Variants in KCNH5 observed in about 807,000 individuals in gnomAD.
The protein encoded by KCNH5 is potassium voltage-gated channel subfamily H member 5.
KCNH5 carries 46 observed loss-of-function variants against 96.1 expected under a neutral mutation model. The observed-to-expected ratio is 0.48, with a 90% CI of 0.38 to 0.61. The LOEUF (loss-of-function observed/expected upper bound fraction) is 0.61. Among genes scored for constraint, KCNH5 ranks in the 20% least tolerant of loss-of-function variants. KCNH5 has a pLI of 0.00. For synonymous variants in KCNH5, 439 were observed against 449.8 expected (o/e 0.98, Z 0.30); for missense variants, 907 against 1,225.8 (o/e 0.74, Z 3.88).
intron 7 of KCNH5, among the ~76,000 whole-genome samples, chr14:62,853,708 T>C (rs1015516684): frequency 1.3e-5 from 2 of 151,650 alleles, no homozygotes; most frequent in African/African-American, 4.8e-5. Context: ...TTCAGGTCTC[T>C]GCTCAAAACC....
At chr14:62,936,863 C>T (rs1199805343) in intron 7 of KCNH5, among the ~76,000 whole-genome samples, 1 of 151,630 alleles carries the variant, frequency 6.6e-6, no homozygotes, top group Non-Finnish European at 1.5e-5. Flanking sequence ...TGCCTGTAAT[C>T]CCAGCTACTC....
intron 7 of KCNH5, among the ~76,000 whole-genome samples, chr14:62,902,146 C>A (rs993327459): frequency 1.3e-5 from 2 of 151,938 alleles, no homozygotes; most frequent in Non-Finnish European, 2.9e-5. Flanking sequence ...CAAATATTTT[C>A]TCCCATTATG....
At chr14:62,955,654 C>T (rs1268436260) in intron 6 of KCNH5, among the ~76,000 whole-genome samples, 1 of 152,126 alleles carries the variant, frequency 6.6e-6, no homozygotes, top group Non-Finnish European at 1.5e-5. Context: ...GCAATATTGG[C>T]TTAAACATGA....
intron 8 of KCNH5, among the ~76,000 whole-genome samples, chr14:62,819,011 G>T (rs1308931563): frequency 6.6e-6 from 1 of 152,136 alleles, no homozygotes; most frequent in African/African-American, 2.4e-5. Flanking sequence ...CTGTCACCCA[G>T]GCTGGAGTGC....
chr14:62,941,760 A>T lies in KCNH5; in HGVS notation c.1369+8373T>A, dbSNP rs143761029. On this transcript the variant is annotated intron_variant, in intron 7 of 10. Coordinates refer to ENST00000322893, the MANE Select transcript of KCNH5 (RefSeq NM_139318.5). ...ACATGTAACTTAATATTATACCTGA[A>T]ATACCTGAAGTCGCATATTAAGATT... Among the ~76,000 whole-genome samples, 153 of 152,256 alleles carry T rather than the reference A, an allele frequency of 1.0e-3. 1 individual carries two copies. The East Asian group carries it at 0.024, about 24-fold the overall frequency.
Position 62,897,722 on chromosome 14 carries a change from CAAATGAAAAATG to C in KCNH5, c.1370-47882_1370-47871del, listed in dbSNP as rs1159881137. On this transcript the variant is annotated intron_variant, in intron 7 of 10. Transcript: ENST00000322893. ...AGAACACAGTTAGGTTAAAAAAAAT[CAAATGAAAAATG>C]AAACTATTTTAGTTTTACCATTTTT... 3.3e-5 allele frequency among the ~76,000 whole-genome samples: 5 copies of C among 152,084 alleles called. No homozygotes were observed. In the South Asian group the frequency reaches 1.0e-3, roughly 32 times the overall value.
At chr14:62,980,521 G>T (rs1890585840) in intron 6 of KCNH5, among the ~76,000 whole-genome samples, 2 of 152,096 alleles carry the variant, frequency 1.3e-5, no homozygotes, top group South Asian at 4.1e-4. Flanking sequence ...GCCATTAAAA[G>T]TAATTGTGAA....
intron 6 of KCNH5, among the ~76,000 whole-genome samples, chr14:62,958,570 T>C (rs1345086425): frequency 6.6e-6 from 1 of 152,182 alleles, no homozygotes; most frequent in Non-Finnish European, 1.5e-5. Context: ...CAAAAGTAGT[T>C]TATCCTTACT....
intron 10 of KCNH5, among the ~76,000 whole-genome samples, chr14:62,759,993 A>T (rs1885713119): frequency 6.6e-6 from 1 of 152,058 alleles, no homozygotes; most frequent in Non-Finnish European, 1.5e-5. Flanking sequence ...GTCTTCCCAG[A>T]GTGTGATTTC....
intron 4 of KCNH5, among the ~76,000 whole-genome samples, chr14:62,995,502 C>A (rs1019380156): frequency 1.3e-5 from 2 of 152,114 alleles, no homozygotes; most frequent in Non-Finnish European, 2.9e-5. Context: ...TGGATAAACA[C>A]AACTTTTCAC....
chr14:62,791,334 AACTTACAGT>A (rs1464972279), intron 9 of KCNH5, among the ~76,000 whole-genome samples: 1 of 151,728 alleles, frequency 6.6e-6, no homozygotes, highest in African/African-American at 2.4e-5. Context: ...TACAGTAAGT[AACTTACAGT>A]AAGTAAGTCA....
chr14:62,775,257 G>T (rs552412022), intron 10 of KCNH5, among the ~76,000 whole-genome samples: 2 of 152,106 alleles, frequency 1.3e-5, no homozygotes, highest in Non-Finnish European at 2.9e-5. Context: ...AAATGTCCAG[G>T]CCCCAGGTAA....
Position 63,015,001 on chromosome 14 carries a change from C to T in KCNH5, c.197+1830G>A, listed in dbSNP as rs183663123. Reference sequence around the variant, plus strand: ...AGGAGCAATGCTTAATATGGCCCAACGATATCAGTGCTAGCAAAGGGACCC... The same window carrying T: ...AGGAGCAATGCTTAATATGGCCCAATGATATCAGTGCTAGCAAAGGGACCC... On this transcript the variant is annotated intron_variant, in intron 2 of 10. Coordinates refer to ENST00000322893, the MANE Select transcript of KCNH5 (RefSeq NM_139318.5). Among the ~76,000 whole-genome samples the T allele has an allele frequency of 9.9e-5, 15 of 152,074 alleles. No individual in the cohort carries two copies. In the East Asian group the frequency reaches 1.9e-3, roughly 20 times the overall value.
At chr14:62,799,989 AGAAGAAGAG>A (rs1477411901) in intron 9 of KCNH5, among the ~76,000 whole-genome samples, 1 of 151,028 alleles carries the variant, frequency 6.6e-6, no homozygotes, top group Non-Finnish European at 1.5e-5. Context: ...GAGGAGGAGG[AGAAGAAGAG>A]GAAGAAGAGG....
chr14:62,967,175 G>C (rs894643912), intron 6 of KCNH5, among the ~76,000 whole-genome samples: 7 of 152,072 alleles, frequency 4.6e-5, no homozygotes, highest in Admixed American at 1.3e-4. Context: ...ATAAGCTATG[G>C]TGTCCTTATC....
intron 6 of KCNH5, among the ~76,000 whole-genome samples, chr14:62,969,475 G>T (rs1457906151): frequency 6.6e-6 from 1 of 152,044 alleles, no homozygotes; most frequent in Non-Finnish European, 1.5e-5. Flanking sequence ...TCTTTGAAAA[G>T]ATTTTAAAAA....
chr14:62,700,345 T>C lies in KCNH5; in HGVS notation c.*7163A>G, dbSNP rs1884328816. On this transcript the variant is annotated 3_prime_UTR_variant, in exon 11 of 11. Coordinates refer to ENST00000322893, the MANE Select transcript of KCNH5 (RefSeq NM_139318.5). The stretch of plus-strand genomic sequence containing the variant: ...TCACTTAAGAAATCTGTTCCTAATA[T>C]GAAATGCATATTCCCCCTTGCTTTA... 6.6e-6 allele frequency: 1 copy of C among 152,172 alleles called. No individual in the cohort carries two copies. The highest frequency in any genetic ancestry group is 1.5e-5 in the Non-Finnish European group (1 of 68,026). 9.4% of individuals were successfully genotyped at this position (152,172 alleles called of 1,614,324 possible). A position where few individuals can be genotyped will look rare whatever the true frequency, so the allele number is the denominator to read the frequency against.
At chr14:63,004,365 A>T (rs769542986) in intron 3 of KCNH5, among the ~76,000 whole-genome samples, 9 of 152,236 alleles carry the variant, frequency 5.9e-5, no homozygotes, top group Non-Finnish European at 1.3e-4. Context: ...GAAAGGAGGC[A>T]CAAGTTTTAA....
chr14:62,844,587 C>A (rs1391258715), intron 8 of KCNH5, among the ~76,000 whole-genome samples: 1 of 152,030 alleles, frequency 6.6e-6, no homozygotes, highest in Non-Finnish European at 1.5e-5. Flanking sequence ...AGCAGCAAAG[C>A]CCAGATGATG....
Sources: gnomAD v4.1 joint callset for allele counts (sites outside exome capture counted in the v4.1 genomes callset) on GRCh38, gnomAD v4.1.1 for gene constraint, MANE v1.5 for transcripts, NCBI Gene and HGNC (gene_info 2026-07-23, HGNC 2026-07-21) for gene names.